The following PDE1C variants were observed in gnomAD, a reference collection of about 807,000 sequenced individuals.
PDE1C encodes the protein dual specificity calcium/calmodulin-dependent 3',5'-cyclic nucleotide phosphodiesterase 1C.
A neutral mutation model predicts 93.1 loss-of-function variants in PDE1C; 62 were observed. That is an observed-to-expected ratio of 0.67 (90% CI 0.54 to 0.82). The LOEUF (loss-of-function observed/expected upper bound fraction) is 0.82, where lower values mean the gene tolerates loss of function less well. Ranked by LOEUF, PDE1C falls within the 40% of genes least tolerant of loss-of-function variation. The probability of loss-of-function intolerance (pLI) is 0.00; values close to 1 mark genes in which losing one functional copy is unlikely to be tolerated. For synonymous variants in PDE1C, 325 were observed against 310.1 expected (o/e 1.05, Z -0.50); for missense variants, 742 against 884.6 (o/e 0.84, Z 2.04).
At chr7:32,328,767 G>A (rs765316407) in intron 1 of PDE1C, among the ~76,000 whole-genome samples, 32 of 152,042 alleles carry the variant, frequency 2.1e-4, no homozygotes, top group Non-Finnish European at 4.0e-4. Context: ...CCTCTGCAAC[G>A]CTTACACAAT....
chr7:31,632,933 C>G, the PDE1C span, among the ~76,000 whole-genome samples: 1 of 151,902 alleles, frequency 6.6e-6, no homozygotes, highest in Non-Finnish European at 1.5e-5. Flanking sequence ...TGTCGCCAGG[C>G]TGGAGTGCTG....
the PDE1C span, among the ~76,000 whole-genome samples, chr7:31,639,598 G>A: frequency 6.8e-5 from 10 of 148,060 alleles, no homozygotes; most frequent in African/African-American, 7.5e-5. Flanking sequence ...GTGCAGTGGC[G>A]CAATCTCAGC....
rs1298080864 is a variant in PDE1C at position 32,418,152 on chromosome 7, C to G, written c.310+9670G>C. Among the ~76,000 whole-genome samples, 5 of 152,292 alleles carry G rather than the reference C, an allele frequency of 3.3e-5. 1 individual carries two copies. The South Asian group carries it at 1.0e-3, about 32-fold the overall frequency. ...TACAGATGTGAACCATCATGCCCAG[C>G]CTTACTTCTGGAAACTTCCTCAGTA... On this transcript the variant is annotated intron_variant, in intron 1 of 1. Coordinates refer to the PDE1C transcript ENST00000672256.
chr7:31,895,766 C>G (rs13234016), intron 2 of PDE1C, among the ~76,000 whole-genome samples: 17,738 of 151,950 alleles, frequency 0.12, 1,262 homozygotes, highest in Admixed American at 0.22. Context: ...GTGAATAAGT[C>G]TCATGAACAC....
intron 2 of PDE1C, among the ~76,000 whole-genome samples, chr7:32,047,062 A>AGT (rs59580872): frequency 0.54 from 78,842 of 145,666 alleles, 21,726 homozygotes; most frequent in Non-Finnish European, 0.64. Flanking sequence ...TGCGAGACAG[A>AGT]GTGTGTGTGT....
At chr7:31,990,406 A>T (rs1262962197) in intron 2 of PDE1C, among the ~76,000 whole-genome samples, 1 of 152,116 alleles carries the variant, frequency 6.6e-6, no homozygotes, top group African/African-American at 2.4e-5. Context: ...CTCCCCAGCC[A>T]TGTGGAACTG....
chr7:32,169,718 TCTAA>T, intron 3 of PDE1C: 1 of 1,371,836 alleles, frequency 7.3e-7, no homozygotes, highest in Non-Finnish European at 1.0e-6. Context: ...TGACTATGCA[TCTAA>T]CTGGATTGAA....
At chr7:31,865,121 A>G in intron 6 of PDE1C, 39 bp from the exon 7 acceptor site, 1 of 1,611,320 alleles carries the variant, frequency 6.2e-7, no homozygotes, top group Non-Finnish European at 8.5e-7. Context: ...TAGTGACTTC[A>G]CTGCTTTCAA....
intron 8 of PDE1C, 29 bp downstream of exon 8, chr7:31,850,612 C>G (rs1161872420): frequency 6.8e-7 from 1 of 1,468,542 alleles, no homozygotes; most frequent in Non-Finnish European, 9.5e-7. Context: ...CCCCTCTTGC[C>G]TCTCTTCCAA....
intron 2 of PDE1C, among the ~76,000 whole-genome samples, chr7:31,980,301 T>G (rs1327188803): frequency 1.3e-5 from 2 of 152,222 alleles, no homozygotes; most frequent in Non-Finnish European, 2.9e-5. Flanking sequence ...GAATAATATT[T>G]AATTTCAGGA....
chr7:32,244,301 G>A (rs1808756324), intron 1 of PDE1C, among the ~76,000 whole-genome samples: 3 of 152,142 alleles, frequency 2.0e-5, no homozygotes, highest in African/African-American at 2.4e-5. Context: ...TGGATAACAA[G>A]AAAGAAGACA....
intron 7 of PDE1C, among the ~76,000 whole-genome samples, chr7:31,864,093 G>C (rs1403455598): frequency 2.0e-5 from 3 of 152,156 alleles, no homozygotes; most frequent in Non-Finnish European, 4.4e-5. Context: ...ATACAGACCT[G>C]TTTTTGCCTT....
chr7:31,994,976 C>A (rs1397451191), intron 2 of PDE1C, among the ~76,000 whole-genome samples: 1 of 152,050 alleles, frequency 6.6e-6, no homozygotes, highest in Non-Finnish European at 1.5e-5. Flanking sequence ...GGGTCCTTAA[C>A]CATGGAACAA....
chr7:32,096,546 G>T (rs2128747831), intron 3 of PDE1C, among the ~76,000 whole-genome samples: 1 of 152,246 alleles, frequency 6.6e-6, no homozygotes, highest in Admixed American at 6.5e-5. Flanking sequence ...TCAAATCTTG[G>T]CTCTGCTCCT....
intron 2 of PDE1C, among the ~76,000 whole-genome samples, chr7:32,012,416 A>G (rs1261037682): frequency 6.6e-6 from 1 of 152,178 alleles, no homozygotes; most frequent in Non-Finnish European, 1.5e-5. Flanking sequence ...TAGGCCATTC[A>G]TGAGGGATCC....
chr7:32,205,209 T>A (rs571660353), intron 2 of PDE1C, among the ~76,000 whole-genome samples: 11 of 152,218 alleles, frequency 7.2e-5, no homozygotes, highest in Non-Finnish European at 1.5e-4. Flanking sequence ...TGGACTCTAG[T>A]CCTTCACATA....
chr7:31,824,199 A>G (rs543529471), intron 13 of PDE1C, among the ~76,000 whole-genome samples: 91 of 152,270 alleles, frequency 6.0e-4, no homozygotes, highest in Non-Finnish European at 1.2e-3. Flanking sequence ...TAGTCGTAAT[A>G]GTAGTAGTAT....
Position 32,004,664 on chromosome 7 carries a change from G to A in PDE1C, c.128+46890C>T, listed in dbSNP as rs185053936. ...TGTAGGAAGATGGAGTAAGACACCT[G>A]GTCTCTATGCCTTCATCTGAGCTCC... On this transcript the variant is annotated intron_variant, in intron 2 of 17. Transcript: ENST00000396191. Among the ~76,000 whole-genome samples the A allele has an allele frequency of 1.4e-3, 219 of 152,212 alleles. 6 individuals carry two copies. The highest frequency in any genetic ancestry group is 4.0e-4 in the Non-Finnish European group (27 of 68,008).
At chr7:31,634,136 G>A in the PDE1C span, among the ~76,000 whole-genome samples, 6 of 152,276 alleles carry the variant, frequency 3.9e-5, no homozygotes, top group South Asian at 2.1e-4. Flanking sequence ...TGCCTGAGGC[G>A]TCTGTCTCCT....
Sources: allele counts gnomAD v4.1 joint callset (sites outside exome capture counted in the v4.1 genomes callset), GRCh38; gene constraint gnomAD v4.1.1; transcripts MANE v1.5; gene names NCBI Gene and HGNC (gene_info 2026-07-23, HGNC 2026-07-21).